Variants in SEMA4C observed in about 807,000 individuals in gnomAD.
SEMA4C encodes semaphorin 4C.
In SEMA4C, 19 loss-of-function variants were observed where a neutral mutation model predicts 89.0. The ratio of observed to expected loss-of-function variants is 0.21; its 90% CI spans 0.15 to 0.31. The LOEUF is 0.31. Among genes scored for constraint, SEMA4C ranks in the 10% least tolerant of loss-of-function variants. SEMA4C has a pLI of 1.00. For missense variants in SEMA4C, 811 were observed against 1,107.0 expected, an observed-to-expected ratio of 0.73 and a Z score of 3.79; for synonymous variants, 428 against 472.7, an observed-to-expected ratio of 0.91 and a Z score of 1.23.
At chr2:96,867,359 G>A (rs566027577) in intron 2 of SEMA4C, among the ~76,000 whole-genome samples, 6 of 152,272 alleles carry the variant, frequency 3.9e-5, no homozygotes, top group Non-Finnish European at 7.3e-5. Context: ...GCAACCATGC[G>A]AGCATGTGCA....
At chr2:96,869,016 C>A in intron 1 of SEMA4C, 1 of 985,306 alleles carries the variant, frequency 1.0e-6, no homozygotes, top group Non-Finnish European at 1.2e-6. Flanking sequence ...CCCGGGTTCT[C>A]CCCTCCCCCA....
upstream of SEMA4C, chr2:96,870,532 C>T: frequency 5.1e-6 from 5 of 984,712 alleles, no homozygotes; most frequent in South Asian, 2.4e-4. Flanking sequence ...TCTTTTGGGG[C>T]GGACCAGAGG....
intron 12 of SEMA4C, 151 bp from the exon 13 acceptor site, chr2:96,862,045 G>A: frequency 1.2e-6 from 1 of 813,846 alleles, no homozygotes; most frequent in East Asian, 2.7e-5. Context: ...ACAAGGCAGA[G>A]CTATAGTGCT....
chr2:96,869,768 C>T, intron 1 of SEMA4C, 108 bp downstream of exon 1: 1 of 984,602 alleles, frequency 1.0e-6, no homozygotes, highest in South Asian at 4.7e-5. Flanking sequence ...TCCCCGCGCC[C>T]CAGCCCCTGT....
Position 96,865,684 on chromosome 2 carries a change from C to T in SEMA4C, c.402G>A (p.Gln134=). 6 of 1,614,118 alleles carry T rather than the reference C, an allele frequency of 3.7e-6. No homozygotes were observed. The highest frequency in any genetic ancestry group is 1.3e-5 in the African/African-American group (1 of 75,032). The change falls in exon 5 of 15, where the codon CAG becomes CAA. Residue 134 remains glutamine (Q), a synonymous_variant. Coordinates refer to ENST00000305476, the MANE Select transcript of SEMA4C (RefSeq NM_017789.5). ...CACTCACGACGTAGGTGCACTTGGG[C>T]TGGAAGGCGTAGGTGCCACAGACGT... ...HLYVCGTYAF[Q]PKCTYVNMLT...
rs1320568117 is a variant in SEMA4C at position 96,861,224 on chromosome 2, C to A, written c.1904G>T (p.Arg635Leu). 1 of 1,610,502 alleles carries A rather than the reference C, an allele frequency of 6.2e-7. No individual in the cohort carries two copies. The highest frequency in any genetic ancestry group is 1.1e-5 in the South Asian group (1 of 91,066). The change falls in exon 15 of 15, where the codon CGG becomes CTG. Residue 635 changes from arginine to leucine, a missense_variant. This residue lies in a region of SEMA4C where 248 missense variants were observed against 269.0 expected (regional missense o/e 0.92). Transcript: ENST00000305476. This position sits in a 1 kb window ranked among gnomAD's most constrained non-coding sequence, Gnocchi z 7.8. ...CACAAGGTAGCCTTCAGCAGCCAGC[C>A]GCGCCCCCTGCTCCTCTGAAAAGCA... is the stretch of plus-strand genomic sequence containing the variant. ...YHCFSEEQGA[R>L]LAAEGYLVAV...
intron 12 of SEMA4C, 151 bp downstream of exon 12, chr2:96,863,531 C>A: frequency 1.6e-6 from 2 of 1,288,924 alleles, no homozygotes; most frequent in Non-Finnish European, 1.1e-6. Context: ...AGGAACCCAC[C>A]CCAAGTTAGG....
At position 96,865,313 on chromosome 2, in the gene SEMA4C, C is replaced by G. The variant is rs1346841298; in HGVS notation, c.525G>C (p.Glu175Asp). ...KGHAGLLVDG[E>D]LYSATLNNFL... ...AGTTGTTGAGTGTGGCCGAGTACAG[C>G]TCACCATCTATGGGAGACAGAGGTC... The change falls in exon 7 of 15, where the codon GAG becomes GAC. Residue 175 changes from glutamate (E) to aspartate (D), a missense_variant. Around this residue, in one of 4 missense-constraint regions of SEMA4C, gnomAD observed 441 missense variants for 664.9 expected, o/e 0.66. Transcript: ENST00000305476. 4.3e-6 allele frequency: 7 copies of G among 1,614,082 alleles called. No homozygotes were observed. The highest frequency in any genetic ancestry group is 5.9e-6 in the Non-Finnish European group (7 of 1,180,040).
chr2:96,869,661 G>A, intron 1 of SEMA4C: 1 of 985,064 alleles, frequency 1.0e-6, no homozygotes, highest in South Asian at 4.7e-5. Flanking sequence ...GGGCTGCGGG[G>A]CTGCAGGTGC....
At chr2:96,863,284 C>T (rs2079993884) in intron 12 of SEMA4C, 1 of 1,018,910 alleles carries the variant, frequency 9.8e-7, no homozygotes, top group Non-Finnish European at 1.2e-6. Context: ...GAAATGGGGG[C>T]TGGAAGGAAA....
At position 96,865,193 on chromosome 2, in the gene SEMA4C, C is replaced by CT; in HGVS notation, c.634+10_634+11insA. The CT allele has an allele frequency of 6.2e-7, 1 of 1,612,834 alleles. No individual in the cohort carries two copies. Among genetic ancestry groups the CT allele is most frequent in the Non-Finnish European group, 8.5e-7 (1 of 1,179,376 alleles). On this transcript the variant is annotated intron_variant, in intron 7 of 14. Coordinates refer to ENST00000305476, the MANE Select transcript of SEMA4C (RefSeq NM_017789.5). ...CCACCCATGGCTCCCACAGGCCCCCCGGTGGCTCACCGTTGAGCCAAAAGG... is the reference window on the plus strand; with the variant it reads ...CCACCCATGGCTCCCACAGGCCCCCCTGGTGGCTCACCGTTGAGCCAAAAGG...
rs2079925949 is a variant in SEMA4C, at chr2:96,860,873, C to A, written c.2255G>T (p.Cys752Phe). The A allele has an allele frequency of 1.9e-6, 3 of 1,613,180 alleles. No homozygotes were observed. Among genetic ancestry groups the A allele is most frequent in the Non-Finnish European group, 2.5e-6 (3 of 1,180,016 alleles). ...CGAAGGGGGCCCCCCACCGGGCTGGCACCGGGCATGCCCAGGTACTATCTT... is the reference window on the plus strand; with the variant it reads ...CGAAGGGGGCCCCCCACCGGGCTGGAACCGGGCATGCCCAGGTACTATCTT... ...SLKIVPGHAR[C>F]QPGGGPPSPP... The change falls in exon 15 of 15, where the codon TGC becomes TTC. Residue 752 changes from cysteine to phenylalanine, a missense_variant. Transcript: ENST00000305476.
At chr2:96,866,916 G>GAGATGC in intron 2 of SEMA4C, 1 of 323,894 alleles carries the variant, frequency 3.1e-6, no homozygotes, top group Non-Finnish European at 6.1e-6. Context: ...CAGGCTGCCA[G>GAGATGC]AGATGCGAGC....
Position 96,859,885 on chromosome 2 carries a change from C to G in SEMA4C, c.*741G>C, listed in dbSNP as rs2079901986. 1 of 152,274 alleles carries G rather than the reference C, an allele frequency of 6.6e-6. No homozygotes were observed. The highest frequency in any genetic ancestry group is 6.5e-5 in the Admixed American group (1 of 15,284). The allele number at this position is 152,274 out of a possible 1,614,324, so 9.4% of individuals were successfully genotyped here. A position where few individuals can be genotyped will look rare whatever the true frequency, so the allele number is the denominator to read the frequency against. On this transcript the variant is annotated 3_prime_UTR_variant, in exon 15 of 15. Coordinates refer to ENST00000305476, the MANE Select transcript of SEMA4C (RefSeq NM_017789.5). ...TGCCATTGTCCACAGCAGGCCCACCCTCTCCCTTCTCTCCCCTCACACAGC... is the reference window on the plus strand; with the variant it reads ...TGCCATTGTCCACAGCAGGCCCACCGTCTCCCTTCTCTCCCCTCACACAGC...
At position 96,864,397 on chromosome 2, in the gene SEMA4C, G is replaced by A. The variant is rs749449655; in HGVS notation, c.963-15C>T. The A allele has an allele frequency of 3.1e-5, 50 of 1,612,280 alleles. No individual in the cohort carries two copies. In the Middle Eastern group the frequency reaches 6.6e-4, roughly 21 times the overall value. Reference sequence around the variant, plus strand: ...ACATGTCACCCCTGTCACAGCGAGAGGGAGCCCAGGGTCAGGTACCCACCT... The same window carrying A: ...ACATGTCACCCCTGTCACAGCGAGAAGGAGCCCAGGGTCAGGTACCCACCT... On this transcript the variant is annotated splice_polypyrimidine_tract_variant and intron_variant, in intron 9 of 14. Transcript: ENST00000305476. The surrounding 1 kb of genome is among the most constrained non-coding windows in gnomAD (Gnocchi z 6.3).
chr2:96,869,568 G>C, intron 1 of SEMA4C: 2 of 985,288 alleles, frequency 2.0e-6, no homozygotes, highest in Non-Finnish European at 1.2e-6. Flanking sequence ...GGAGCGCCGA[G>C]GGCAGTCCAG....
Position 96,865,068 on chromosome 2 carries a change from A to G in SEMA4C, c.682T>C (p.Phe228Leu). ...TAGACCTTGTCGTCGTCCCCCGTGA[A>G]GCTGCCCACACTCTCAGGTACATAG... ...SAYVPESVGS[F>L]TGDDDKVYFF... Residue 228 changes from phenylalanine (F) to leucine (L), a missense_variant, in exon 8 of 15, where the codon TTC becomes CTC. This residue lies in a region of SEMA4C where 441 missense variants were observed against 664.9 expected (regional missense o/e 0.66). Transcript: ENST00000305476. The G allele has an allele frequency of 6.4e-7, 1 of 1,559,606 alleles. No individual in the cohort carries two copies.
chr2:96,864,734 G>A lies in SEMA4C; in HGVS notation c.933C>T (p.Thr311=). 6.2e-7 allele frequency: 1 copy of A among 1,612,488 alleles called. No individual in the cohort carries two copies. The change falls in exon 9 of 15, where the codon ACC becomes ACT. Residue 311 remains threonine (T), a synonymous_variant. Transcript: ENST00000305476. This position sits in a 1 kb window ranked among gnomAD's most constrained non-coding sequence, Gnocchi z 6.3. ...GTGCTTGAAAAACCCCAAAGAAGGT[G>A]GTGTTGTGCCAGGAGGTGTCCTGCA... is the stretch of plus-strand genomic sequence containing the variant. ...HTLQDTSWHN[T]TFFGVFQAQW...
intron 2 of SEMA4C, 183 bp from the exon 3 acceptor site, chr2:96,866,614 C>CT (rs1354708048): frequency 1.2e-6 from 1 of 810,966 alleles, no homozygotes; most frequent in East Asian, 2.7e-5. Context: ...CCTCCCTAGC[C>CT]TTTCCCAGCC....
Sources: gnomAD v4.1 joint callset for allele counts (sites outside exome capture counted in the v4.1 genomes callset) on GRCh38, gnomAD v4.1.1 for gene constraint, gnomAD v4.1.1 regional missense constraint, Gnocchi (gnomAD v3.1) non-coding constraint, MANE v1.5 for transcripts, NCBI Gene and HGNC (gene_info 2026-07-23, HGNC 2026-07-21) for gene names.